Variants in SPSB1 observed in about 807,000 individuals in gnomAD.
SPSB1 encodes the protein SPRY domain-containing SOCS box protein 1.
In SPSB1, 8 loss-of-function variants were observed where a neutral mutation model predicts 21.2. The observed-to-expected ratio is 0.38, with a 90% CI of 0.22 to 0.68. The LOEUF is 0.68. SPSB1 is among the 30% of genes least tolerant of loss of function. The pLI, the probability that SPSB1 is intolerant of heterozygous loss-of-function variation, is 0.53. For synonymous variants in SPSB1, 169 were observed against 161.7 expected, an observed-to-expected ratio of 1.05 and a Z score of -0.34; for missense variants, 242 against 377.8, an observed-to-expected ratio of 0.64 and a Z score of 2.98.
At position 9,311,525 on chromosome 1, in the gene SPSB1, C is replaced by T. The variant is rs114655411; in HGVS notation, c.-150+18454C>T. Among the ~76,000 whole-genome samples, 789 of 152,196 alleles carry T rather than the reference C, an allele frequency of 5.2e-3. 7 individuals carry two copies. The highest frequency in any genetic ancestry group is 0.017 in the African/African-American group (721 of 41,514). ...GGGACATCTTCTTTTCTGGAAAGAC[C>T]GATCGGGCTTAGAAATAGCATCAAA... On this transcript the variant is annotated intron_variant, in intron 1 of 2. Coordinates refer to ENST00000328089, the MANE Select transcript of SPSB1 (RefSeq NM_025106.4).
intron 1 of SPSB1, among the ~76,000 whole-genome samples, chr1:9,301,344 TA>T (rs1285047310): frequency 6.6e-6 from 1 of 151,662 alleles, no homozygotes; most frequent in East Asian, 1.9e-4. Context: ...TCTACAAAAA[TA>T]AAAAATTAGC....
rs483934 is a variant in SPSB1 at position 9,347,744 on chromosome 1, G to A, written c.-149-7999G>A. ...TCTTCATCCTCATGTCCCTGTGGAG[G>A]CCTATAGGGTTTGGTAGACAAGAGC... On this transcript the variant is annotated intron_variant, in intron 1 of 2. Transcript: ENST00000328089. 4.5e-3 allele frequency among the ~76,000 whole-genome samples: 691 copies of A among 152,144 alleles called. 7 individuals are homozygous for A. The highest frequency in any genetic ancestry group is 0.016 in the African/African-American group (646 of 41,468).
At chr1:9,341,770 T>C (rs1640095012) in intron 1 of SPSB1, among the ~76,000 whole-genome samples, 1 of 152,160 alleles carries the variant, frequency 6.6e-6, no homozygotes, top group Non-Finnish European at 1.5e-5. Context: ...TAGCGCGATC[T>C]CGTCTCACCG....
At chr1:9,354,270 C>T (rs1007584468) in intron 1 of SPSB1, among the ~76,000 whole-genome samples, 1 of 152,146 alleles carries the variant, frequency 6.6e-6, no homozygotes, top group African/African-American at 2.4e-5. Flanking sequence ...ACTCGGGCAC[C>T]CTAGTAACAA....
intron 1 of SPSB1, among the ~76,000 whole-genome samples, chr1:9,331,267 C>T (rs1335055794): frequency 3.5e-5 from 4 of 113,756 alleles, no homozygotes; most frequent in East Asian, 4.7e-4. Context: ...AGGAAGTGGC[C>T]GCACCTCTGT....
At chr1:9,334,584 A>G (rs934745364) in intron 1 of SPSB1, among the ~76,000 whole-genome samples, 1 of 152,188 alleles carries the variant, frequency 6.6e-6, no homozygotes, top group Middle Eastern at 3.2e-3. Flanking sequence ...ATATTGTTGT[A>G]CAACCATCAC....
intron 1 of SPSB1, among the ~76,000 whole-genome samples, chr1:9,323,699 G>A (rs1639763749): frequency 6.6e-6 from 1 of 152,212 alleles, no homozygotes; most frequent in Admixed American, 6.5e-5. Context: ...CCCATGTTGG[G>A]CAGATTCTGG....
chr1:9,355,500 C>T (rs2100514636), intron 1 of SPSB1, among the ~76,000 whole-genome samples: 1 of 152,352 alleles, frequency 6.6e-6, no homozygotes, highest in South Asian at 2.1e-4. Flanking sequence ...TGATGCCCAT[C>T]CCCCAAGCCC....
intron 1 of SPSB1, among the ~76,000 whole-genome samples, chr1:9,323,164 G>A (rs1274462408): frequency 6.6e-6 from 1 of 152,246 alleles, no homozygotes; most frequent in South Asian, 2.1e-4. Flanking sequence ...GTTGGAGGGG[G>A]GTATCCATGG....
chr1:9,369,033 T>G lies in SPSB1; in HGVS notation c.*1458T>G, dbSNP rs989105299. 1 of 152,568 alleles carries G rather than the reference T, an allele frequency of 6.6e-6. No individual in the cohort carries two copies. The highest frequency in any genetic ancestry group is 2.4e-5 in the African/African-American group (1 of 41,394). 9.5% of individuals were successfully genotyped at this position (152,568 alleles called of 1,614,324 possible). A position where few individuals can be genotyped will look rare whatever the true frequency, so the allele number is the denominator to read the frequency against. ...AGATGACTTTATTTGTTTAAAATGT[T>G]TAATATATATACATACATATATATA... On this transcript the variant is annotated 3_prime_UTR_variant, in exon 3 of 3. Transcript: ENST00000328089.
At chr1:9,350,395 G>A (rs1017867257) in intron 1 of SPSB1, among the ~76,000 whole-genome samples, 18 of 152,226 alleles carry the variant, frequency 1.2e-4, no homozygotes, top group African/African-American at 3.6e-4. Flanking sequence ...GGAGGCAGGC[G>A]CGGTCCTGGG....
intron 1 of SPSB1, among the ~76,000 whole-genome samples, chr1:9,297,836 C>G (rs1639251074): frequency 6.6e-6 from 1 of 152,160 alleles, no homozygotes; most frequent in Non-Finnish European, 1.5e-5. Context: ...GTGGATTTGT[C>G]TCTTAAAAGC....
chr1:9,308,979 C>A (rs1294039), intron 1 of SPSB1, among the ~76,000 whole-genome samples: 1 of 152,004 alleles, frequency 6.6e-6, no homozygotes, highest in African/African-American at 2.4e-5. Context: ...AGGGGCTGGG[C>A]GGGCACCAGG....
At chr1:9,347,963 T>A (rs79819093) in intron 1 of SPSB1, among the ~76,000 whole-genome samples, 14 of 116,082 alleles carry the variant, frequency 1.2e-4, no homozygotes, top group Middle Eastern at 4.2e-3. Context: ...TTTTTTTTTT[T>A]AAACAGAATC....
At chr1:9,307,763 G>A (rs1418217960) in intron 1 of SPSB1, among the ~76,000 whole-genome samples, 2 of 152,180 alleles carry the variant, frequency 1.3e-5, no homozygotes, top group Non-Finnish European at 2.9e-5. Flanking sequence ...TTTTCCCGTT[G>A]ATCTATTAAA....
At position 9,348,088 on chromosome 1, in the gene SPSB1, G is replaced by A. The variant is rs1469795695; in HGVS notation, c.-149-7655G>A. On this transcript the variant is annotated intron_variant, in intron 1 of 2. Coordinates refer to ENST00000328089, the MANE Select transcript of SPSB1 (RefSeq NM_025106.4). This position sits in a 1 kb window ranked among gnomAD's most constrained non-coding sequence, Gnocchi z 4.8. Reference sequence around the variant, plus strand: ...GCCTCCCGAGTAGCTGGGATTACAGGTGCTCACCACCACGCCCAGCTTATT... The same window carrying A: ...GCCTCCCGAGTAGCTGGGATTACAGATGCTCACCACCACGCCCAGCTTATT... Among the ~76,000 whole-genome samples, 1 of 151,914 alleles carries A rather than the reference G, an allele frequency of 6.6e-6. No individual in the cohort carries two copies. The highest frequency in any genetic ancestry group is 1.5e-5 in the Non-Finnish European group (1 of 67,996).
At chr1:9,320,398 C>G (rs1000910592) in intron 1 of SPSB1, among the ~76,000 whole-genome samples, 3 of 152,218 alleles carry the variant, frequency 2.0e-5, no homozygotes, top group Non-Finnish European at 4.4e-5. Flanking sequence ...CTTTCCTCCC[C>G]CTGCCCTGCC....
At chr1:9,344,102 A>G (rs1396232328) in intron 1 of SPSB1, among the ~76,000 whole-genome samples, 2 of 152,182 alleles carry the variant, frequency 1.3e-5, no homozygotes, top group African/African-American at 4.8e-5. Context: ...TAAGTTTTTA[A>G]AAATTATGGT....
At chr1:9,337,505 G>A (rs1039394159) in intron 1 of SPSB1, among the ~76,000 whole-genome samples, 2 of 151,972 alleles carry the variant, frequency 1.3e-5, no homozygotes, top group Non-Finnish European at 2.9e-5. Context: ...GGGGATGGGA[G>A]AACAGGGTGA....
Sources: gnomAD v4.1 joint callset for allele counts (sites outside exome capture counted in the v4.1 genomes callset) on GRCh38, gnomAD v4.1.1 for gene constraint, Gnocchi (gnomAD v3.1) non-coding constraint, MANE v1.5 for transcripts, NCBI Gene and HGNC (gene_info 2026-07-23, HGNC 2026-07-21) for gene names.